DAB2IP: variants seen among roughly 807,000 people sequenced by gnomAD.
The protein encoded by DAB2IP is disabled homolog 2-interacting protein.
Under a neutral mutation model 107.2 loss-of-function variants are expected in DAB2IP, and 28 were observed. The observed-to-expected ratio is 0.26, with a 90% CI of 0.19 to 0.36. The LOEUF (loss-of-function observed/expected upper bound fraction) is 0.36, where lower values mean the gene tolerates loss of function less well. Ranked by LOEUF, DAB2IP falls within the 10% of genes least tolerant of loss-of-function variation. The probability of loss-of-function intolerance (pLI) is 1.00; values close to 1 mark genes in which losing one functional copy is unlikely to be tolerated. For synonymous variants in DAB2IP, 755 were observed against 706.4 expected, an observed-to-expected ratio of 1.07 and a Z score of -1.09; for missense variants, 1,400 against 1,644.7, an observed-to-expected ratio of 0.85 and a Z score of 2.57.
At chr9:121,680,013 C>T (rs1828500544) in intron 2 of DAB2IP, among the ~76,000 whole-genome samples, 1 of 152,246 alleles carries the variant, frequency 6.6e-6, no homozygotes, top group Non-Finnish European at 1.5e-5. Context: ...AGGAAGCCCT[C>T]TTGCTTTTCC....
At chr9:121,719,437 C>T (rs1049707223) in intron 3 of DAB2IP, among the ~76,000 whole-genome samples, 6 of 152,124 alleles carry the variant, frequency 3.9e-5, no homozygotes, top group Non-Finnish European at 5.9e-5. Flanking sequence ...CAGAGGGAAC[C>T]CCATGAGCCT....
intron 1 of DAB2IP, among the ~76,000 whole-genome samples, chr9:121,661,627 G>T (rs781036863): frequency 2.6e-5 from 4 of 152,062 alleles, no homozygotes; most frequent in Admixed American, 6.6e-5. Context: ...AAGGTCCCCG[G>T]GAGACAGACC....
At chr9:121,705,996 C>T (rs1453487966) in intron 3 of DAB2IP, among the ~76,000 whole-genome samples, 2 of 152,156 alleles carry the variant, frequency 1.3e-5, no homozygotes, top group Non-Finnish European at 2.9e-5. Context: ...GAAAAGCATC[C>T]AGCTCCCCCA....
chr9:121,629,616 T>C (rs1471242614), intron 1 of DAB2IP, among the ~76,000 whole-genome samples: 1 of 152,162 alleles, frequency 6.6e-6, no homozygotes, highest in East Asian at 1.9e-4. Context: ...CCAGGGCCCC[T>C]GAAGCCCCGA....
chr9:121,778,469 CATTTAA>C (rs1384860861), intron 14 of DAB2IP, among the ~76,000 whole-genome samples: 1 of 152,224 alleles, frequency 6.6e-6, no homozygotes, highest in African/African-American at 2.4e-5. Flanking sequence ...TGACCATTTA[CATTTAA>C]TGTAATTATT....
At chr9:121,734,711 G>A (rs1831772319) in intron 3 of DAB2IP, among the ~76,000 whole-genome samples, 1 of 152,234 alleles carries the variant, frequency 6.6e-6, no homozygotes, top group Non-Finnish European at 1.5e-5. Flanking sequence ...CTTCCAGGAG[G>A]AAGGACTATT....
intron 3 of DAB2IP, among the ~76,000 whole-genome samples, chr9:121,706,249 C>T (rs1830053137): frequency 1.3e-5 from 2 of 152,178 alleles, no homozygotes; most frequent in East Asian, 3.9e-4. Flanking sequence ...TGAGGTGGGG[C>T]TGCACCAACC....
chr9:121,723,220 C>T (rs1007649177), intron 3 of DAB2IP, among the ~76,000 whole-genome samples: 3 of 148,454 alleles, frequency 2.0e-5, no homozygotes, highest in Admixed American at 6.6e-5. Context: ...AGACTCAGGC[C>T]GTGGGCTGCC....
chr9:121,753,913 C>T (rs1050146403), intron 3 of DAB2IP, among the ~76,000 whole-genome samples: 49 of 152,278 alleles, frequency 3.2e-4, no homozygotes, highest in African/African-American at 1.0e-3. Flanking sequence ...GCCTCTAATG[C>T]GCTGCTTCCC....
At chr9:121,622,750 C>A (rs1208168375) in intron 1 of DAB2IP, among the ~76,000 whole-genome samples, 5 of 152,188 alleles carry the variant, frequency 3.3e-5, no homozygotes, top group African/African-American at 1.2e-4. Flanking sequence ...ACCACCCCAC[C>A]CCCTGCCCCC....
chr9:121,706,408 T>C (rs1830059889), intron 3 of DAB2IP, among the ~76,000 whole-genome samples: 1 of 152,060 alleles, frequency 6.6e-6, no homozygotes, highest in African/African-American at 2.4e-5. Flanking sequence ...AGGCAGCTTC[T>C]CACAGCCAAC....
chr9:121,728,640 C>T (rs1253550898), intron 3 of DAB2IP, among the ~76,000 whole-genome samples: 1 of 152,118 alleles, frequency 6.6e-6, no homozygotes, highest in East Asian at 1.9e-4. Context: ...CATTAGTGCC[C>T]AACTTAAGAG....
At chr9:121,642,436 C>T (rs1832386068) in intron 1 of DAB2IP, among the ~76,000 whole-genome samples, 1 of 151,606 alleles carries the variant, frequency 6.6e-6, no homozygotes, top group Non-Finnish European at 1.5e-5. Flanking sequence ...CCACCTCAGC[C>T]TCCCAAAGTG....
Position 121,599,902 on chromosome 9 carries a change from ACTTTG to A in DAB2IP, c.40+32679_40+32683del, listed in dbSNP as rs1444801663. Among the ~76,000 whole-genome samples, 3 of 151,790 alleles carry A rather than the reference ACTTTG, an allele frequency of 2.0e-5. No homozygotes were observed. Among genetic ancestry groups the A allele is most frequent in the Non-Finnish European group, 2.9e-5 (2 of 67,926 alleles). On this transcript the variant is annotated intron_variant, in intron 1 of 16. Coordinates refer to the DAB2IP transcript ENST00000259371. The surrounding 1 kb of genome is among the most constrained non-coding windows in gnomAD (Gnocchi z 6.9). Reference sequence around the variant, plus strand: ...GTAGGGGACTGAGGAATGGGCGGCGACTTTGCTTTATTTACCCCGCTTTTCCCCTA... The same window carrying A: ...GTAGGGGACTGAGGAATGGGCGGCGACTTTATTTACCCCGCTTTTCCCCTA...
chr9:121,685,048 A>G (rs1420240963), intron 2 of DAB2IP, among the ~76,000 whole-genome samples: 1 of 152,162 alleles, frequency 6.6e-6, no homozygotes, highest in African/African-American at 2.4e-5. Flanking sequence ...GAATTTGCTT[A>G]GTTCTGCTCT....
At position 121,634,464 on chromosome 9, in the gene DAB2IP, C is replaced by T. The variant is rs77909506; in HGVS notation, c.41-44214C>T. On this transcript the variant is annotated intron_variant, in intron 1 of 16. Transcript: ENST00000259371. The surrounding 1 kb of genome is among the most constrained non-coding windows in gnomAD (Gnocchi z 4.7). ...ACCCTTAGTGTACACAGGAGCCCCACCCTGAGCCACTGTGGCCCCAGGTGT... is the reference window on the plus strand; with the variant it reads ...ACCCTTAGTGTACACAGGAGCCCCATCCTGAGCCACTGTGGCCCCAGGTGT... 2.6e-3 allele frequency among the ~76,000 whole-genome samples: 393 copies of T among 152,334 alleles called. 1 individual carries two copies. Among genetic ancestry groups the T allele is most frequent in the Middle Eastern group, 0.01 (3 of 294 alleles).
At chr9:121,598,086 C>A (rs1180570116) in intron 1 of DAB2IP, among the ~76,000 whole-genome samples, 2 of 152,246 alleles carry the variant, frequency 1.3e-5, no homozygotes, top group African/African-American at 4.8e-5. Flanking sequence ...ATTTAAAGAG[C>A]CCCATTTTTG....
chr9:121,638,774 C>T (rs934789157), intron 1 of DAB2IP, among the ~76,000 whole-genome samples: 6 of 152,118 alleles, frequency 3.9e-5, no homozygotes, highest in Non-Finnish European at 7.3e-5. Flanking sequence ...GTAGAGATGG[C>T]GATGCCCTGG....
intron 1 of DAB2IP, among the ~76,000 whole-genome samples, chr9:121,652,887 A>G (rs1449383186): frequency 6.6e-6 from 1 of 152,132 alleles, no homozygotes; most frequent in African/African-American, 2.4e-5. Flanking sequence ...GCAGGCAGGT[A>G]GTGTTCGGTT....
Sources: gnomAD v4.1 joint callset for allele counts (sites outside exome capture counted in the v4.1 genomes callset) on GRCh38, gnomAD v4.1.1 for gene constraint, Gnocchi (gnomAD v3.1) non-coding constraint, MANE v1.5 for transcripts, NCBI Gene and HGNC (gene_info 2026-07-23, HGNC 2026-07-21) for gene names.